Variants in DAB1 observed in about 807,000 individuals in gnomAD.
DAB1 encodes the protein disabled homolog 1.
Under a neutral mutation model 64.6 loss-of-function variants are expected in DAB1, and 15 were observed. The observed-to-expected ratio is 0.23, with a 90% CI of 0.16 to 0.36. The LOEUF is 0.36. Among genes scored for constraint, DAB1 ranks in the 10% least tolerant of loss-of-function variants. The pLI, the probability that DAB1 is intolerant of heterozygous loss-of-function variation, is 1.00. For missense variants in DAB1, 596 were observed against 706.7 expected (o/e 0.84, Z 1.78); for synonymous variants, 235 against 251.9 (o/e 0.93, Z 0.64).
chr1:57,278,077 C>G (rs1010948708), intron 2 of DAB1, among the ~76,000 whole-genome samples: 1 of 152,186 alleles, frequency 6.6e-6, no homozygotes, highest in South Asian at 2.1e-4. Flanking sequence ...AACCAGACCC[C>G]TAGGAAGTGA....
rs200688727 is a variant in DAB1 at position 57,757,220 on chromosome 1, T to TTTTTTTTTTTTTTTTTTTTG, written n.552-107556_552-107555insCAAAAAAAAAAAAAAAAAAA. 5.3e-3 allele frequency among the ~76,000 whole-genome samples: 634 copies of TTTTTTTTTTTTTTTTTTTTG among 120,078 alleles called. 73 individuals carry two copies. The highest frequency in any genetic ancestry group is 8.7e-3 in the Non-Finnish European group (475 of 54,798). 78.8% of individuals were successfully genotyped at this position (120,078 alleles called of 152,430 possible). On this transcript the variant is annotated intron_variant and non_coding_transcript_variant, in intron 6 of 20. Coordinates refer to the DAB1 transcript ENST00000485760. ...AGAATTTTTTTTTTTTTTTTTTTTT[T>TTTTTTTTTTTTTTTTTTTTG]AGCAGCAATGATGGAGGCTAACAGC...
At chr1:57,506,793 C>T (rs1644349122) in intron 7 of DAB1, among the ~76,000 whole-genome samples, 1 of 152,214 alleles carries the variant, frequency 6.6e-6, no homozygotes, top group Non-Finnish European at 1.5e-5. Flanking sequence ...GTAGTTATCC[C>T]TGTGGGAAAC....
intron 4 of DAB1, among the ~76,000 whole-genome samples, chr1:58,213,721 A>G (rs1369656824): frequency 6.6e-6 from 1 of 152,120 alleles, no homozygotes; most frequent in Admixed American, 6.6e-5. Flanking sequence ...GACAAAGCCA[A>G]CTTCCTTTCT....
chr1:58,438,676 C>G (rs760117049), intron 3 of DAB1, among the ~76,000 whole-genome samples: 13 of 152,216 alleles, frequency 8.5e-5, no homozygotes, highest in Non-Finnish European at 1.8e-4. Flanking sequence ...CCAGCAGTGT[C>G]TGGACATTCA....
At chr1:57,434,210 A>T (rs1407197014) in intron 7 of DAB1, among the ~76,000 whole-genome samples, 1 of 152,214 alleles carries the variant, frequency 6.6e-6, no homozygotes, top group African/African-American at 2.4e-5. Flanking sequence ...TTTATTCATA[A>T]TAGGTCAAAA....
intron 6 of DAB1, among the ~76,000 whole-genome samples, chr1:57,801,374 A>G (rs191427060): frequency 1.3e-5 from 2 of 152,348 alleles, no homozygotes; most frequent in African/African-American, 4.8e-5. Context: ...AATTGGCGAG[A>G]GGCAGGGAGA....
At chr1:58,197,582 G>T (rs913607580) in intron 4 of DAB1, among the ~76,000 whole-genome samples, 2 of 151,782 alleles carry the variant, frequency 1.3e-5, no homozygotes, top group East Asian at 1.9e-4. Context: ...TTTTAGTAGA[G>T]ATGAGGTTTC....
At chr1:57,551,946 C>T (rs1320723720) in intron 7 of DAB1, among the ~76,000 whole-genome samples, 1 of 152,116 alleles carries the variant, frequency 6.6e-6, no homozygotes. Context: ...CTTCCCCTAG[C>T]AGAAAAAAAT....
chr1:58,534,027 T>C (rs368273471), intron 1 of DAB1: 3 of 871,054 alleles, frequency 3.4e-6, no homozygotes, highest in Non-Finnish European at 6.0e-6. Flanking sequence ...GTTACACTAT[T>C]TAAAAATCCA....
intron 1 of DAB1, among the ~76,000 whole-genome samples, chr1:57,337,065 C>T (rs1677139916): frequency 6.6e-6 from 1 of 152,142 alleles, no homozygotes; most frequent in African/African-American, 2.4e-5. Flanking sequence ...CAGTGTCTGG[C>T]ACCTAAGCAT....
chr1:58,529,937 G>A (rs1646408250), intron 1 of DAB1, among the ~76,000 whole-genome samples: 1 of 151,964 alleles, frequency 6.6e-6, no homozygotes, highest in African/African-American at 2.4e-5. Flanking sequence ...CTGGAGTGCA[G>A]TGGCGCAATC....
At chr1:58,462,184 T>C (rs1450100975) in intron 3 of DAB1, among the ~76,000 whole-genome samples, 4 of 145,642 alleles carry the variant, frequency 2.7e-5, no homozygotes, top group Non-Finnish European at 4.5e-5. Context: ...CGGACTGCAG[T>C]GGCGCAGTCT....
At chr1:58,030,736 G>A (rs1262786728) in intron 5 of DAB1, among the ~76,000 whole-genome samples, 1 of 152,122 alleles carries the variant, frequency 6.6e-6, no homozygotes, top group African/African-American at 2.4e-5. Flanking sequence ...CAATAAAAAC[G>A]TATTGAAAGA....
At chr1:58,538,186 CTT>C (rs1292792736) in intron 1 of DAB1, among the ~76,000 whole-genome samples, 1 of 152,104 alleles carries the variant, frequency 6.6e-6, no homozygotes, top group Non-Finnish European at 1.5e-5. Flanking sequence ...TTTCTTCCAT[CTT>C]CATAAAACAA....
chr1:58,379,405 A>T (rs568980838), intron 3 of DAB1, among the ~76,000 whole-genome samples: 85 of 152,360 alleles, frequency 5.6e-4, no homozygotes, highest in African/African-American at 2.0e-3. Flanking sequence ...CTCATTTGCT[A>T]TACCCTCTAG....
downstream of DAB1, among the ~76,000 whole-genome samples, chr1:57,825,886 A>T (rs188438609): frequency 6.6e-6 from 1 of 152,276 alleles, no homozygotes; most frequent in Admixed American, 6.5e-5. Flanking sequence ...ACTTGGTGCC[A>T]TTTCTGATCT....
At chr1:57,421,978 A>G (rs1388419932) in intron 1 of DAB1, among the ~76,000 whole-genome samples, 2 of 146,862 alleles carry the variant, frequency 1.4e-5, no homozygotes, top group Non-Finnish European at 3.0e-5. Flanking sequence ...GTGCCTGCGC[A>G]GTTCCGGTGC....
At chr1:57,250,227 T>C (rs1365921115) in intron 2 of DAB1, among the ~76,000 whole-genome samples, 1 of 152,328 alleles carries the variant, frequency 6.6e-6, no homozygotes, top group South Asian at 2.1e-4. Flanking sequence ...ATGTGGTTTG[T>C]GGGAATTTTG....
intron 3 of DAB1, chr1:58,505,969 G>C: frequency 1.4e-6 from 1 of 705,502 alleles, no homozygotes; most frequent in South Asian, 2.0e-5. Context: ...TAATAGGCTA[G>C]AACTCTCTTT....
Sources: allele counts gnomAD v4.1 joint callset (sites outside exome capture counted in the v4.1 genomes callset), GRCh38; gene constraint gnomAD v4.1.1; transcripts MANE v1.5; gene names NCBI Gene and HGNC (gene_info 2026-07-23, HGNC 2026-07-21).